The following ACSL5 variants were observed in gnomAD, a reference collection of about 807,000 sequenced individuals.
ACSL5 encodes the protein long-chain-fatty-acid--CoA ligase 5.
ACSL5 carries 50 observed loss-of-function variants against 84.9 expected under a neutral mutation model. The ratio of observed to expected loss-of-function variants is 0.59; its 90% CI spans 0.47 to 0.75. The LOEUF (loss-of-function observed/expected upper bound fraction) is 0.75. Ranked by LOEUF, ACSL5 falls within the 30% of genes least tolerant of loss-of-function variation. The pLI, the probability that ACSL5 is intolerant of heterozygous loss-of-function variation, is 0.00. For missense variants in ACSL5, 775 were observed against 830.4 expected (o/e 0.93, Z 0.82); for synonymous variants, 280 against 300.7 (o/e 0.93, Z 0.71).
chr10:112,422,526 A>G, intron 17 of ACSL5, 85 bp downstream of exon 17: 1 of 1,321,834 alleles, frequency 7.6e-7, no homozygotes, highest in East Asian at 2.3e-5. Flanking sequence ...GCAGAAATGC[A>G]AGTAGGTTAA....
In ACSL5 at chr10:112,404,744, C is replaced by T; in HGVS notation, c.370C>T (p.His124Tyr). The T allele has an allele frequency of 6.2e-7, 1 of 1,613,984 alleles. No homozygotes were observed. The highest frequency in any genetic ancestry group is 8.5e-7 in the Non-Finnish European group (1 of 1,179,940). Residue 124 changes from histidine to tyrosine, a missense_variant, in exon 5 of 21, where the codon CAT (histidine) becomes TAT (tyrosine). Physicochemically the swap from His to Tyr is moderately conservative, Grantham distance 83 (BLOSUM62 2). Transcript: ENST00000354655. ...RAEYLGSCLL[H>Y]KGYKSSPDQF... is the part of the protein sequence containing the mutation. Reference sequence around the variant, plus strand: ...AGAGTACCTGGGTTCCTGTCTCTTGCATAAAGGTTATAAATCATCACCAGA... The same window carrying T: ...AGAGTACCTGGGTTCCTGTCTCTTGTATAAAGGTTATAAATCATCACCAGA...
At chr10:112,378,227 GTTTTTTTTTTTTTTTTT>G (rs144322644) in intron 1 of ACSL5, among the ~76,000 whole-genome samples, 1 of 56,782 alleles carries the variant, frequency 1.8e-5, no homozygotes, top group Non-Finnish European at 2.9e-5. Flanking sequence ...TCTTCTTCTT[GTTTTTTTTTTTTTTTTT>G]TTTTTTTTTT....
In ACSL5 at chr10:112,387,984, G is replaced by T. The variant is rs183331342; in HGVS notation, c.-29-6934G>T. 2.6e-3 allele frequency among the ~76,000 whole-genome samples: 359 copies of T among 139,632 alleles called. 3 individuals are homozygous for T. In the East Asian group the frequency reaches 0.035, roughly 13 times the overall value. 91.6% of individuals were successfully genotyped at this position (139,632 alleles called of 152,430 possible). A position where few individuals can be genotyped will look rare whatever the true frequency, so the allele number is the denominator to read the frequency against. On this transcript the variant is annotated intron_variant, in intron 1 of 20. Transcript: ENST00000354655. ...GACAGAGTCTTGCTCTGTCACCCAG[G>T]CTGGAGTGCAGTGGTGTGATCTCAG...
chr10:112,422,411 T>A lies in ACSL5; in HGVS notation c.1563T>A (p.Leu521=), dbSNP rs1339654052. The A allele has an allele frequency of 6.2e-7, 1 of 1,614,178 alleles. No homozygotes were observed. Among genetic ancestry groups the A allele is most frequent in the South Asian group, 1.1e-5 (1 of 91,088 alleles). Residue 521 remains leucine, a synonymous_variant, in exon 17 of 21, where the codon CTT becomes CTA. Coordinates refer to ENST00000354655, the MANE Select transcript of ACSL5 (RefSeq NM_203379.2). ...TQEALDSDGW[L]HTGDIGRWLP... ...AAGCCCTGGACAGTGATGGCTGGCTTCACACAGGAGACATTGGTCGCTGGC... is the reference window on the plus strand; with the variant it reads ...AAGCCCTGGACAGTGATGGCTGGCTACACACAGGAGACATTGGTCGCTGGC...
chr10:112,390,502 C>T (rs575883238), intron 1 of ACSL5, among the ~76,000 whole-genome samples: 113 of 152,304 alleles, frequency 7.4e-4, no homozygotes, highest in Admixed American at 1.3e-3. Flanking sequence ...ATATAAAATT[C>T]GCATTGACTC....
At chr10:112,376,328 C>T in intron 1 of ACSL5, 2 of 1,614,162 alleles carry the variant, frequency 1.2e-6, no homozygotes, top group South Asian at 1.1e-5. Context: ...TCTGAAGCCA[C>T]CCTGTCTCTG....
Position 112,409,536 on chromosome 10 carries a change from C to T in ACSL5, c.562C>T (p.Pro188Ser), listed in dbSNP as rs771386487. The change falls in exon 7 of 21, where the codon CCC becomes TCC. Residue 188 changes from proline (P) to serine (S), a missense_variant. Transcript: ENST00000354655. ...TATCGCCATGGTGATCTGTGACACA[C>T]CCCAAAAGGCATTGGTGCTGATAGG... ...ADIAMVICDT[P>S]QKALVLIGNV... 1 of 1,613,702 alleles carries T rather than the reference C, an allele frequency of 6.2e-7. No homozygotes were observed. Among genetic ancestry groups the T allele is most frequent in the Admixed American group, 1.7e-5 (1 of 60,012 alleles).
intron 3 of ACSL5, among the ~76,000 whole-genome samples, chr10:112,401,554 G>A (rs1843889358): frequency 6.6e-6 from 1 of 152,248 alleles, no homozygotes; most frequent in African/African-American, 2.4e-5. Flanking sequence ...AGTTGACTAA[G>A]TTAATGAAAG....
intron 20 of ACSL5, 37 bp downstream of exon 20, chr10:112,426,896 C>G (rs1292470980): frequency 2.6e-6 from 4 of 1,515,968 alleles, no homozygotes; most frequent in Admixed American, 3.4e-5. Flanking sequence ...GGCCTCTTGT[C>G]AGAAAGTTTT....
In ACSL5 at chr10:112,398,919, G is replaced by A; in HGVS notation, c.175G>A (p.Val59Ile). Residue 59 changes from valine to isoleucine, a missense_variant, in exon 3 of 21, where the codon GTT (valine) becomes ATT (isoleucine). By Grantham distance (29) the Val-to-Ile change is conservative. Coordinates refer to ENST00000354655, the MANE Select transcript of ACSL5 (RefSeq NM_203379.2). ...GTCTTAGGGAGGAGCACGGAAGGGG[G>A]TTTCCCAGAAGAACAATGACCTAAC... ...VGIEGGARKG[V>I]SQKNNDLTSC... The A allele has an allele frequency of 1.9e-6, 3 of 1,614,086 alleles. No individual in the cohort carries two copies. Among genetic ancestry groups the A allele is most frequent in the Non-Finnish European group, 8.5e-7 (1 of 1,179,966 alleles).
chr10:112,410,042 G>A (rs142305049), intron 7 of ACSL5: 8 of 362,594 alleles, frequency 2.2e-5, no homozygotes, highest in African/African-American at 4.4e-5. Context: ...CTCTCGGTCC[G>A]TAAAATGGTG....
rs201223875 is a variant in ACSL5 at position 112,379,544 on chromosome 10, G to A, written c.-30+5275G>A. On this transcript the variant is annotated intron_variant, in intron 1 of 20. Transcript: ENST00000354655. ...GTAATAGAACATCTGATATTGGCAA[G>A]GATGTGAAAACTGAGGAAAAGGGAA... 3.9e-5 allele frequency among the ~76,000 whole-genome samples: 6 copies of A among 152,230 alleles called. No homozygotes were observed. In the East Asian group the frequency reaches 1.2e-3, roughly 29 times the overall value.
intron 16 of ACSL5, 68 bp downstream of exon 16, chr10:112,422,103 T>C (rs528594435): frequency 9.0e-6 from 14 of 1,552,188 alleles, no homozygotes; most frequent in African/African-American, 2.7e-5. Flanking sequence ...GAGCAAATAA[T>C]TGTAAGCAAA....
In ACSL5 at chr10:112,379,936, TGCCTCACCCTG is replaced by T. The variant is rs1849316705; in HGVS notation, c.-30+5670_-30+5680del. Among the ~76,000 whole-genome samples, 3 of 152,204 alleles carry T rather than the reference TGCCTCACCCTG, an allele frequency of 2.0e-5. No individual in the cohort carries two copies. In the South Asian group the frequency reaches 6.2e-4, roughly 31 times the overall value. On this transcript the variant is annotated intron_variant, in intron 1 of 20. Transcript: ENST00000354655. ...CAAGAAGTCTGCTTTCCCAACCTCT[TGCCTCACCCTG>T]GCACAGGTGACAGGGTCCTAGCACT...
chr10:112,379,896 T>C (rs1849315914), intron 1 of ACSL5, among the ~76,000 whole-genome samples: 1 of 152,216 alleles, frequency 6.6e-6, no homozygotes, highest in Non-Finnish European at 1.5e-5. Flanking sequence ...GGGCTGATTC[T>C]GCAGAAAACT....
At chr10:112,386,469 C>T (rs1157875575) in intron 1 of ACSL5, among the ~76,000 whole-genome samples, 1 of 152,076 alleles carries the variant, frequency 6.6e-6, no homozygotes, top group African/African-American at 2.4e-5. Flanking sequence ...GCTGGGATTA[C>T]AGGCATAAGC....
chr10:112,426,517 A>T, intron 19 of ACSL5, 158 bp downstream of exon 19: 1 of 642,798 alleles, frequency 1.6e-6, no homozygotes, highest in Non-Finnish European at 2.7e-6. Flanking sequence ...TAAAAAATAA[A>T]ACTCTCTTTT....
In ACSL5 at chr10:112,409,673, A is replaced by G. The variant is rs1844135193; in HGVS notation, c.699A>G (p.Leu233=). Residue 233 remains leucine, a synonymous_variant, in exon 7 of 21, where the codon CTA becomes CTG. Transcript: ENST00000354655. ...GEKSGIEILS[L]YDAENLGKEH... ...AGAGTGGAATTGAGATCTTATCCCT[A>G]TATGATGCTGAGGTATGGATCTGAA... 2 of 1,614,110 alleles carry G rather than the reference A, an allele frequency of 1.2e-6. No homozygotes were observed. The highest frequency in any genetic ancestry group is 1.7e-6 in the Non-Finnish European group (2 of 1,179,958).
At position 112,398,925 on chromosome 10, in the gene ACSL5, CAGA is replaced by C. The variant is rs769142543; in HGVS notation, c.186_188del (p.Lys62del). 83 of 1,613,922 alleles carry C rather than the reference CAGA, an allele frequency of 5.1e-5. 1 individual carries two copies. In the South Asian group the frequency reaches 9.0e-4, roughly 18 times the overall value. On this transcript the variant is annotated inframe_deletion, in exon 3 of 21. Coordinates refer to ENST00000354655, the MANE Select transcript of ACSL5 (RefSeq NM_203379.2). ...GGGAGGAGCACGGAAGGGGGTTTCCCAGAAGAACAATGACCTAACAAGTTGCTG... is the reference window on the plus strand; with the variant it reads ...GGGAGGAGCACGGAAGGGGGTTTCCCAGAACAATGACCTAACAAGTTGCTG...
Sources: allele counts gnomAD v4.1 joint callset (sites outside exome capture counted in the v4.1 genomes callset), GRCh38; gene constraint gnomAD v4.1.1; transcripts MANE v1.5; gene names NCBI Gene and HGNC (gene_info 2026-07-23, HGNC 2026-07-21).